GPR55: variants seen among roughly 807,000 people sequenced by gnomAD.
GPR55 encodes the protein G protein-coupled receptor 55, also known as G-protein coupled receptor 55.
GPR55 carries 6 observed loss-of-function variants against 7.9 expected under a neutral mutation model. The observed-to-expected ratio is 0.76, with a 90% CI of 0.41 to 1.49. The LOEUF (loss-of-function observed/expected upper bound fraction) is 1.49. Ranked by LOEUF, GPR55 falls within the 40% of genes most tolerant of loss-of-function variation. The pLI is 0.01. For synonymous variants in GPR55, 183 were observed against 166.8 expected (o/e 1.10, Z -0.75); for missense variants, 376 against 406.0 (o/e 0.93, Z 0.63).
intron 1 of GPR55, among the ~76,000 whole-genome samples, chr2:230,946,502 G>A (rs561027537): frequency 1.5e-4 from 23 of 152,230 alleles, no homozygotes; most frequent in East Asian, 3.9e-4. Context: ...TTTTTGTCAC[G>A]TGTACCTTAA....
chr2:230,932,998 G>A (rs1364042610), intron 1 of GPR55, among the ~76,000 whole-genome samples: 3 of 152,162 alleles, frequency 2.0e-5, no homozygotes, highest in African/African-American at 4.8e-5. Context: ...GTGCTCTCAC[G>A]CTGATCTTTG....
rs147837323 is a variant in GPR55, at chr2:230,955,777, C to T, written c.-135+4998G>A. The stretch of plus-strand genomic sequence containing the variant: ...ATTCCATTGCCCAGGCTGGAGTGTG[C>T]CTGCAGTGGTGTGATCACGGCTCAC... On this transcript the variant is annotated intron_variant, in intron 1 of 1. Transcript: ENST00000392039. 2.8e-3 allele frequency among the ~76,000 whole-genome samples: 427 copies of T among 150,754 alleles called. 3 individuals carry two copies. The highest frequency in any genetic ancestry group is 7.1e-3 in the Middle Eastern group (2 of 282).
chr2:230,931,034 C>T (rs1166468675), intron 1 of GPR55, among the ~76,000 whole-genome samples: 1 of 152,228 alleles, frequency 6.6e-6, no homozygotes, highest in Non-Finnish European at 1.5e-5. Context: ...CTACCCGCCA[C>T]TCCCCCGGGA....
intron 1 of GPR55, chr2:230,957,603 C>T: frequency 6.5e-6 from 3 of 458,624 alleles, no homozygotes; most frequent in South Asian, 4.8e-5. Flanking sequence ...GTGGCCGCCG[C>T]TCCGGAGCCC....
rs377267450 is a variant in GPR55, at chr2:230,957,386, C to G, written c.-135+3389G>C. Among the ~76,000 whole-genome samples the G allele has an allele frequency of 3.1e-4, 47 of 152,358 alleles. 2 individuals are homozygous for G. The East Asian group carries it at 9.1e-3, about 29-fold the overall frequency. ...GTCGATCACTGACGGCCGGTGGTGT[C>G]TCCAGCATGGATACGCGGGACAGAG... On this transcript the variant is annotated intron_variant, in intron 1 of 1. Transcript: ENST00000392039.
At chr2:230,957,604 T>A (rs1393121850) in intron 1 of GPR55, 1 of 460,574 alleles carries the variant, frequency 2.2e-6, no homozygotes, top group African/African-American at 2.0e-5. Flanking sequence ...TGGCCGCCGC[T>A]CCGGAGCCCG....
intron 1 of GPR55, among the ~76,000 whole-genome samples, chr2:230,915,670 C>T (rs1690695417): frequency 6.6e-6 from 1 of 152,178 alleles, no homozygotes; most frequent in South Asian, 2.1e-4. Context: ...CTGCTGACAC[C>T]TCTGAATGTC....
At chr2:230,959,883 T>C (rs990462601) in intron 1 of GPR55, among the ~76,000 whole-genome samples, 1 of 152,148 alleles carries the variant, frequency 6.6e-6, no homozygotes, top group Non-Finnish European at 1.5e-5. Context: ...TGCACATGCA[T>C]TGGTTTTGTG....
At chr2:230,943,504 C>T (rs756143177) in intron 1 of GPR55, among the ~76,000 whole-genome samples, 98 of 152,284 alleles carry the variant, frequency 6.4e-4, no homozygotes, top group African/African-American at 2.3e-3. Context: ...AGCTGGGGGG[C>T]CAAGCAAGAG....
chr2:230,940,984 G>A (rs923960113), intron 1 of GPR55, among the ~76,000 whole-genome samples: 12 of 152,158 alleles, frequency 7.9e-5, no homozygotes, highest in Non-Finnish European at 1.6e-4. Context: ...GGACGTGGCG[G>A]TGTGCACTTG....
At position 230,910,896 on chromosome 2, in the gene GPR55, G is replaced by A. The variant is rs760176032; in HGVS notation, c.67C>T (p.Gln23Ter). ...DGVNELMKTLQFAVHIPTFVL... is the reference protein window; with the variant it reads ...DGVNELMKTL ...AAGGTGGGGATGTGGACTGCAAACT[G>A]TAGGGTTTTCATCAGCTCGTTGACA... is the stretch of plus-strand genomic sequence containing the variant. The change falls in exon 2 of 2, where the codon CAG becomes TAG. Residue 23 changes from glutamine (Q) to a stop codon, truncating the protein, a stop_gained. Coordinates refer to ENST00000650999, the MANE Select transcript of GPR55 (RefSeq NM_005683.4). LOFTEE classifies it high-confidence loss of function. This position sits in a 1 kb window ranked among gnomAD's most constrained non-coding sequence, Gnocchi z 5.4. The A allele has an allele frequency of 2.0e-5, 32 of 1,613,738 alleles. No homozygotes were observed. The highest frequency in any genetic ancestry group is 2.5e-5 in the Non-Finnish European group (30 of 1,179,738).
intron 1 of GPR55, among the ~76,000 whole-genome samples, chr2:230,920,014 T>C (rs2125054050): frequency 6.6e-6 from 1 of 151,784 alleles, no homozygotes. Flanking sequence ...AAAAGATTTC[T>C]ACATCCCAAC....
intron 1 of GPR55, among the ~76,000 whole-genome samples, chr2:230,946,526 C>T (rs1039528046): frequency 1.3e-5 from 2 of 152,076 alleles, no homozygotes; most frequent in African/African-American, 2.4e-5. Flanking sequence ...AGCTGAGGAC[C>T]GGAGAGTGTG....
rs117166878 is a variant in GPR55, at chr2:230,923,746, G to C, written c.-135+1422C>G. 6.6e-6 allele frequency among the ~76,000 whole-genome samples: 1 copy of C among 152,144 alleles called. No individual in the cohort carries two copies. The highest frequency in any genetic ancestry group is 1.9e-4 in the East Asian group (1 of 5,182). On this transcript the variant is annotated intron_variant, in intron 1 of 1. Transcript: ENST00000650999. This position sits in a 1 kb window ranked among gnomAD's most constrained non-coding sequence, Gnocchi z 4.1. ...TATGCCCATTTTACAGATAAGGACA[G>C]TAAGGCTTAGAGATGTTAAAGATTC...
chr2:230,934,124 G>A (rs1171406666), intron 1 of GPR55, among the ~76,000 whole-genome samples: 1 of 152,116 alleles, frequency 6.6e-6, no homozygotes, highest in African/African-American at 2.4e-5. Context: ...AGGGGCACTG[G>A]CCTAGGTATA....
intron 1 of GPR55, among the ~76,000 whole-genome samples, chr2:230,955,193 T>G (rs1296949598): frequency 1.3e-5 from 2 of 152,246 alleles, no homozygotes; most frequent in Non-Finnish European, 2.9e-5. Context: ...TAATTCACAA[T>G]CCACTGTTGA....
intron 1 of GPR55, among the ~76,000 whole-genome samples, chr2:230,947,386 T>C (rs920911657): frequency 2.6e-5 from 4 of 152,156 alleles, no homozygotes; most frequent in Non-Finnish European, 4.4e-5. Flanking sequence ...TCCTAGAAGA[T>C]TGCATCTAAG....
chr2:230,943,859 G>T (rs908226942), intron 1 of GPR55, among the ~76,000 whole-genome samples: 5 of 152,240 alleles, frequency 3.3e-5, no homozygotes, highest in African/African-American at 1.2e-4. Flanking sequence ...TTGCAAGCAA[G>T]GTCTCATCAG....
At chr2:230,911,244 C>T (rs1023931220) in intron 1 of GPR55, 148 bp from the exon 2 acceptor site, 1 of 421,624 alleles carries the variant, frequency 2.4e-6, no homozygotes, top group Non-Finnish European at 4.3e-6. Flanking sequence ...ACCTGCTGTG[C>T]ATGGACATCT....
Sources: gnomAD v4.1 joint callset for allele counts (sites outside exome capture counted in the v4.1 genomes callset) on GRCh38, gnomAD v4.1.1 for gene constraint, Gnocchi (gnomAD v3.1) non-coding constraint, MANE v1.5 for transcripts, NCBI Gene and HGNC (gene_info 2026-07-23, HGNC 2026-07-21) for gene names.